The following GPM6B variants were observed in gnomAD, a reference collection of about 807,000 sequenced individuals.
GPM6B encodes glycoprotein M6B.
In GPM6B, 4 loss-of-function variants were observed where a neutral mutation model predicts 27.2. The ratio of observed to expected loss-of-function variants is 0.15; its 90% CI spans 0.07 to 0.34. The LOEUF is 0.34. GPM6B is among the 10% of genes least tolerant of loss of function. The pLI is 1.00. For missense variants in GPM6B, 183 were observed against 261.9 expected (o/e 0.70, Z 2.08); for synonymous variants, 124 against 103.1 (o/e 1.20, Z -1.23).
At chrX:13,905,680 G>C (rs909109376) in intron 1 of GPM6B, among the ~76,000 whole-genome samples, 2 of 111,482 alleles carry the variant, frequency 1.8e-5, no homozygotes, top group Admixed American at 9.6e-5. Context: ...TTTTAGACCA[G>C]CAATATGTGT....
At chrX:13,778,462 T>A (rs1404344006) in intron 5 of GPM6B, among the ~76,000 whole-genome samples, 1 of 112,478 alleles carries the variant, frequency 8.9e-6, no homozygotes, top group Non-Finnish European at 1.9e-5. Context: ...ATGACAGTTG[T>A]CCAGTGGGCT....
chrX:13,908,368 A>C (rs2050348301), intron 1 of GPM6B, among the ~76,000 whole-genome samples: 1 of 112,325 alleles, frequency 8.9e-6, no homozygotes, highest in Non-Finnish European at 1.9e-5. Context: ...TTTTTGCCTC[A>C]AATGTACAAC....
At chrX:13,785,890 G>A in intron 2 of GPM6B, 82 bp from the exon 3 acceptor site, 1 of 798,747 alleles carries the variant, frequency 1.3e-6, no homozygotes, top group Non-Finnish European at 1.8e-6. Context: ...TCACAGAGAA[G>A]GCTTACAATT....
chrX:13,908,586 G>A (rs112156075), intron 1 of GPM6B, among the ~76,000 whole-genome samples: 2,033 of 112,016 alleles, frequency 0.018, 50 homozygotes, highest in African/African-American at 0.062. Context: ...GAAAAACTGG[G>A]GAAATCCAAG....
upstream of GPM6B, among the ~76,000 whole-genome samples, chrX:13,818,322 T>C (rs2049270301): frequency 8.9e-6 from 1 of 112,067 alleles, no homozygotes; most frequent in South Asian, 3.7e-4. Flanking sequence ...GAAGCAAACA[T>C]AAAGACAAGT....
intron 2 of GPM6B, 46 bp from the exon 3 acceptor site, chrX:13,785,854 CT>C: frequency 9.7e-7 from 1 of 1,036,089 alleles, no homozygotes; most frequent in Non-Finnish European, 1.3e-6. Flanking sequence ...GCAAGAACAC[CT>C]CTGGTCTTCA....
rs1603137917 is a variant in GPM6B at position 13,918,205 on chromosome X, A to T, written c.-198+20122T>A. On this transcript the variant is annotated intron_variant, in intron 1 of 6. Coordinates refer to the GPM6B transcript ENST00000398361. ...CTTCCTCAAGGACAAGGACTGTCTT[A>T]TTCATCACTGTAGCCCCTGCACTTG... is the stretch of plus-strand genomic sequence containing the variant. Among the ~76,000 whole-genome samples, 4 of 113,129 alleles carry T rather than the reference A, an allele frequency of 3.5e-5. 1 individual carries two copies. The Admixed American group carries it at 3.7e-4, about 11-fold the overall frequency.
At chrX:13,847,758 A>AT (rs1409192526) in intron 1 of GPM6B, among the ~76,000 whole-genome samples, 3 of 112,300 alleles carry the variant, frequency 2.7e-5, no homozygotes, top group Non-Finnish European at 5.6e-5. Context: ...TTAAACACTG[A>AT]TTTTTAAAAT....
intron 2 of GPM6B, among the ~76,000 whole-genome samples, chrX:13,791,786 T>C (rs754484515): frequency 6.3e-5 from 7 of 111,250 alleles, no homozygotes; most frequent in African/African-American, 2.3e-4. Context: ...TTTGCCCAAG[T>C]TGTCTGTGAT....
rs1263822089 is a variant in GPM6B, at chrX:13,772,337, AAGCTAGTTTGAGAAATCAATC to A, written c.*523_*543del. 8.9e-6 allele frequency: 1 copy of A among 112,128 alleles called. No homozygotes were observed. The highest frequency in any genetic ancestry group is 1.9e-5 in the Non-Finnish European group (1 of 53,205). The allele number at this position is 112,128 out of a possible 1,213,427, so 9.2% of individuals were successfully genotyped here. ...AATGGGTCCTGGACTTGGGAGGGAA[AAGCTAGTTTGAGAAATCAATC>A]ATAAGAATCACATTATCTTTGATCC... On this transcript the variant is annotated 3_prime_UTR_variant, in exon 8 of 8. Transcript: ENST00000316715.
chrX:13,932,890 A>C (rs1223790077), intron 1 of GPM6B, among the ~76,000 whole-genome samples: 1 of 112,045 alleles, frequency 8.9e-6, no homozygotes, highest in East Asian at 2.8e-4. Flanking sequence ...AAAAAAAGCT[A>C]ATGAAAGAAC....
At chrX:13,822,424 GGT>G (rs2049319899) in intron 1 of GPM6B, among the ~76,000 whole-genome samples, 1 of 110,180 alleles carries the variant, frequency 9.1e-6, no homozygotes, top group Non-Finnish European at 1.9e-5. Flanking sequence ...GGAGTACAGT[GGT>G]GCAATCTCGG....
At chrX:13,805,024 G>A (rs1202579169) in intron 2 of GPM6B, among the ~76,000 whole-genome samples, 1 of 111,424 alleles carries the variant, frequency 9.0e-6, no homozygotes, top group Non-Finnish European at 1.9e-5. Flanking sequence ...GGTCTCTGCA[G>A]ACAGCTCCAG....
intron 1 of GPM6B, among the ~76,000 whole-genome samples, chrX:13,810,594 T>TC (rs2049112099): frequency 9.0e-6 from 1 of 110,638 alleles, no homozygotes; most frequent in African/African-American, 3.3e-5. Flanking sequence ...TGTGCTCATC[T>TC]CCTCATATGG....
intron 1 of GPM6B, among the ~76,000 whole-genome samples, chrX:13,855,087 C>T (rs762552471): frequency 9.1e-6 from 1 of 109,657 alleles, no homozygotes; most frequent in Non-Finnish European, 1.9e-5. Context: ...GGTGCGATCT[C>T]GGTTCACTGC....
intron 2 of GPM6B, among the ~76,000 whole-genome samples, chrX:13,787,949 T>A (rs891659392): frequency 3.6e-5 from 4 of 111,919 alleles, no homozygotes; most frequent in Non-Finnish European, 7.5e-5. Flanking sequence ...GGCTGTGTGG[T>A]CCAAAATGGT....
chrX:13,828,149 T>G (rs1264501225), intron 1 of GPM6B, among the ~76,000 whole-genome samples: 1 of 111,879 alleles, frequency 8.9e-6, no homozygotes, highest in Non-Finnish European at 1.9e-5. Flanking sequence ...TCTGCAACTA[T>G]CACCAACTGT....
chrX:13,826,218 G>A (rs1238942946), intron 1 of GPM6B, among the ~76,000 whole-genome samples: 3 of 110,303 alleles, frequency 2.7e-5, no homozygotes, highest in Admixed American at 9.6e-5. Flanking sequence ...TAGACTGCCC[G>A]GGGACCTGAG....
intron 1 of GPM6B, among the ~76,000 whole-genome samples, chrX:13,854,718 G>T (rs1251892786): frequency 1.8e-5 from 2 of 111,727 alleles, no homozygotes; most frequent in Non-Finnish European, 3.8e-5. Flanking sequence ...TAATTACCCT[G>T]ATCTGACTGC....
Sources: gnomAD v4.1 joint callset for allele counts (sites outside exome capture counted in the v4.1 genomes callset) on GRCh38, gnomAD v4.1.1 for gene constraint, MANE v1.5 for transcripts, NCBI Gene and HGNC (gene_info 2026-07-23, HGNC 2026-07-21) for gene names.